The following SLC1A3 variants were observed in gnomAD, a reference collection of about 807,000 sequenced individuals.
SLC1A3 encodes the protein solute carrier family 1 member 3.
SLC1A3 carries 21 observed loss-of-function variants against 48.1 expected under a neutral mutation model. That is an observed-to-expected ratio of 0.44 (90% CI 0.31 to 0.63). The LOEUF (loss-of-function observed/expected upper bound fraction) is 0.63, where lower values mean the gene tolerates loss of function less well. Ranked by LOEUF, SLC1A3 falls within the 20% of genes least tolerant of loss-of-function variation. The probability of loss-of-function intolerance (pLI) is 0.08; values close to 1 mark genes in which losing one functional copy is unlikely to be tolerated. For synonymous variants in SLC1A3, 239 were observed against 251.4 expected (o/e 0.95, Z 0.47); for missense variants, 546 against 689.0 (o/e 0.79, Z 2.32).
chr5:36,635,534 T>C (rs944861158), intron 3 of SLC1A3, among the ~76,000 whole-genome samples: 5 of 152,186 alleles, frequency 3.3e-5, no homozygotes, highest in Admixed American at 2.6e-4. Flanking sequence ...GGTAACAACA[T>C]GGGAGCCAGC....
At position 36,677,060 on chromosome 5, in the gene SLC1A3, C is replaced by T; in HGVS notation, c.736C>T (p.Leu246=). The T allele has an allele frequency of 4.3e-6, 7 of 1,614,064 alleles. No individual in the cohort carries two copies. The highest frequency in any genetic ancestry group is 5.9e-6 in the Non-Finnish European group (7 of 1,179,990). Residue 246 remains leucine (L), a synonymous_variant, in exon 6 of 10, where the codon CTA becomes TTA. Coordinates refer to ENST00000265113, the MANE Select transcript of SLC1A3 (RefSeq NM_004172.5). ...TGTGAATGGAGTCAATGCCCTGGGT[C>T]TAGTTGTCTTCTCCATGTGCTTCGG... ...GSVNGVNALG[L]VVFSMCFGFV...
At chr5:36,620,565 G>A (rs1449313968) in intron 2 of SLC1A3, among the ~76,000 whole-genome samples, 3 of 152,186 alleles carry the variant, frequency 2.0e-5, no homozygotes, top group Non-Finnish European at 2.9e-5. Flanking sequence ...AGTGTGCTCA[G>A]CACCAGCTGG....
upstream of SLC1A3, among the ~76,000 whole-genome samples, chr5:36,603,082 C>A (rs565236887): frequency 3.2e-4 from 48 of 152,314 alleles, no homozygotes; most frequent in Non-Finnish European, 5.4e-4. Context: ...TTACCTAAAA[C>A]GAAAATTACT....
At chr5:36,635,156 T>C (rs1360530759) in intron 3 of SLC1A3, among the ~76,000 whole-genome samples, 7 of 150,482 alleles carry the variant, frequency 4.7e-5, no homozygotes, top group Admixed American at 4.6e-4. Context: ...CCTCAACACC[T>C]ACCCGTACGT....
chr5:36,647,040 G>A (rs1484967579), intron 3 of SLC1A3, among the ~76,000 whole-genome samples: 1 of 152,172 alleles, frequency 6.6e-6, no homozygotes, highest in Non-Finnish European at 1.5e-5. Context: ...GTTTCTCATC[G>A]AAACCACCTC....
chr5:36,635,766 A>G (rs1740317704), intron 3 of SLC1A3, among the ~76,000 whole-genome samples: 1 of 152,204 alleles, frequency 6.6e-6, no homozygotes, highest in South Asian at 2.1e-4. Flanking sequence ...CGGGCTGACC[A>G]AAACTTGAGG....
chr5:36,635,177 A>G (rs1740288846), intron 3 of SLC1A3, among the ~76,000 whole-genome samples: 1 of 152,012 alleles, frequency 6.6e-6, no homozygotes, highest in Non-Finnish European at 1.5e-5. Context: ...TGTATTGAAA[A>G]AAAAAAAAAA....
At chr5:36,616,935 T>C (rs184326915) in intron 2 of SLC1A3, among the ~76,000 whole-genome samples, 29 of 152,352 alleles carry the variant, frequency 1.9e-4, no homozygotes, top group Non-Finnish European at 1.5e-5. Context: ...TTTGCCCTTT[T>C]AGGGCAAATG....
At chr5:36,678,344 C>A (rs994785648) in intron 6 of SLC1A3, among the ~76,000 whole-genome samples, 3 of 152,192 alleles carry the variant, frequency 2.0e-5, no homozygotes, top group African/African-American at 7.2e-5. Context: ...GAAACCCTGG[C>A]AGGAATGAAA....
intron 2 of SLC1A3, among the ~76,000 whole-genome samples, chr5:36,629,244 G>C (rs1256379317): frequency 1.3e-5 from 2 of 151,910 alleles, no homozygotes; most frequent in African/African-American, 4.8e-5. Flanking sequence ...TTTTCTATAA[G>C]TTCTATTGAA....
Position 36,686,326 on chromosome 5 carries a change from T to G in SLC1A3, c.*57T>G. ...AGGTGTTAAAAACCATTATAAAATC[T>G]TTCCATCTCATTACAGCTCATTCGC... On this transcript the variant is annotated 3_prime_UTR_variant, in exon 10 of 10. Transcript: ENST00000265113. 7.5e-7 allele frequency: 1 copy of G among 1,336,570 alleles called. No homozygotes were observed. Among genetic ancestry groups the G allele is most frequent in the Non-Finnish European group, 1.1e-6 (1 of 927,440 alleles). The allele number at this position is 1,336,570 out of a possible 1,614,324, so 82.8% of individuals were successfully genotyped here.
upstream of SLC1A3, among the ~76,000 whole-genome samples, chr5:36,604,646 A>G (rs1738849659): frequency 6.6e-6 from 1 of 152,136 alleles, no homozygotes; most frequent in African/African-American, 2.4e-5. Flanking sequence ...GTCTACACAA[A>G]CTGAAATAAT....
intron 4 of SLC1A3, among the ~76,000 whole-genome samples, chr5:36,672,006 G>A (rs1223241771): frequency 1.3e-5 from 2 of 152,166 alleles, no homozygotes; most frequent in Non-Finnish European, 2.9e-5. Flanking sequence ...CCTTGAAGAA[G>A]GTTTGCCAAG....
At chr5:36,684,623 T>C (rs759690079) in intron 9 of SLC1A3, among the ~76,000 whole-genome samples, 1 of 152,224 alleles carries the variant, frequency 6.6e-6, no homozygotes, top group Non-Finnish European at 1.5e-5. Context: ...TCTTAAAAAT[T>C]TCCTTCCACT....
At chr5:36,623,735 A>G (rs1200540162) in intron 2 of SLC1A3, among the ~76,000 whole-genome samples, 1 of 151,642 alleles carries the variant, frequency 6.6e-6, no homozygotes, top group African/African-American at 2.4e-5. Flanking sequence ...ATGGTGGCGC[A>G]TGCCTGTAAT....
intron 2 of SLC1A3, among the ~76,000 whole-genome samples, chr5:36,623,519 T>C (rs1025761588): frequency 5.9e-5 from 9 of 152,080 alleles, no homozygotes; most frequent in Non-Finnish European, 1.0e-4. Context: ...TGACCACTAA[T>C]GAAGCTCAGT....
intron 3 of SLC1A3, among the ~76,000 whole-genome samples, chr5:36,639,000 A>G (rs1039084018): frequency 1.3e-5 from 2 of 152,220 alleles, no homozygotes; most frequent in Non-Finnish European, 2.9e-5. Flanking sequence ...TGCATTCTCT[A>G]TTAGAAATGA....
At chr5:36,659,245 CT>C (rs1426155233) in intron 3 of SLC1A3, among the ~76,000 whole-genome samples, 2 of 152,128 alleles carry the variant, frequency 1.3e-5, no homozygotes, top group African/African-American at 2.4e-5. Context: ...CTTAACCTCC[CT>C]GTTTCCTAAT....
chr5:36,671,929 C>T (rs1308789070), intron 4 of SLC1A3, among the ~76,000 whole-genome samples: 1 of 152,178 alleles, frequency 6.6e-6, no homozygotes, highest in Non-Finnish European at 1.5e-5. Context: ...CCTGCTTCCT[C>T]TCCCCTACAC....
Sources: gnomAD v4.1 joint callset for allele counts (sites outside exome capture counted in the v4.1 genomes callset) on GRCh38, gnomAD v4.1.1 for gene constraint, MANE v1.5 for transcripts, NCBI Gene and HGNC (gene_info 2026-07-23, HGNC 2026-07-21) for gene names.